Variants in CAPN3 observed in about 807,000 individuals in gnomAD.
CAPN3 encodes the protein calpain 3.
A neutral mutation model predicts 114.0 loss-of-function variants in CAPN3; 88 were observed. The ratio of observed to expected loss-of-function variants is 0.77; its 90% CI spans 0.65 to 0.92. CAPN3 has a LOEUF of 0.92. CAPN3 is among the 40% of genes least tolerant of loss of function. The pLI is 0.00. For synonymous variants in CAPN3, 386 were observed against 382.9 expected, an observed-to-expected ratio of 1.01 and a Z score of -0.09; for missense variants, 1,028 against 1,069.0, an observed-to-expected ratio of 0.96 and a Z score of 0.53.
chr15:42,398,093 C>A (rs1311347547), intron 9 of CAPN3, among the ~76,000 whole-genome samples: 3 of 150,974 alleles, frequency 2.0e-5, no homozygotes, highest in Non-Finnish European at 4.4e-5. Flanking sequence ...TATATCATAG[C>A]TATATATATT....
chr15:42,370,640 G>T (rs748936752), intron 1 of CAPN3, among the ~76,000 whole-genome samples: 36 of 152,146 alleles, frequency 2.4e-4, no homozygotes, highest in Non-Finnish European at 3.5e-4. Flanking sequence ...GGATAAAACA[G>T]CTAGAGTTAG....
chr15:42,402,087 C>G, intron 11 of CAPN3, 37 bp from the exon 12 acceptor site: 6 of 1,613,770 alleles, frequency 3.7e-6, no homozygotes, highest in Non-Finnish European at 5.1e-6. Flanking sequence ...CATCCTCATT[C>G]ACATCTGAAG....
intron 2 of CAPN3, 58 bp downstream of exon 2, chr15:42,384,610 T>G: frequency 7.8e-7 from 1 of 1,287,008 alleles, no homozygotes; most frequent in African/African-American, 1.5e-5. Context: ...TTACAAGGTG[T>G]GATCCCCTTC....
rs766430864 is a variant in CAPN3 at position 42,409,790 on chromosome 15, A to C, written c.1996A>C (p.Met666Leu). 4 of 1,570,972 alleles carry C rather than the reference A, an allele frequency of 2.5e-6. No homozygotes were observed. The highest frequency in any genetic ancestry group is 3.5e-6 in the Non-Finnish European group (4 of 1,154,888). Residue 666 changes from methionine to leucine, a missense_variant, in exon 18 of 24, where the codon ATG becomes CTG. Physicochemically the swap from Met to Leu is conservative, Grantham distance 15. Coordinates refer to ENST00000397163, the MANE Select transcript of CAPN3 (RefSeq NM_000070.3). ...CCTCCTCTCCCTTCCTCCTCAGGAC[A>C]TGGAGATCTGTGCAGATGAGCTCAA... The part of the protein sequence containing the change: ...NIFKQIAGDD[M>L]EICADELKKV...
intron 1 of CAPN3, among the ~76,000 whole-genome samples, chr15:42,379,081 A>C (rs963805564): frequency 7.9e-5 from 12 of 152,186 alleles, no homozygotes; most frequent in African/African-American, 2.9e-4. Flanking sequence ...TGGGAAGCTG[A>C]AGCAGGTGGA....
At position 42,399,601 on chromosome 15, in the gene CAPN3, G is replaced by C. The variant is rs149914792; in HGVS notation, c.1303G>C (p.Glu435Gln). ...TCAGACCTGGACAGTGTCTGTGAAC[G>C]AGGGCCGCTGGGTACGGGGTTGCTC... Reference protein sequence around the residue: ...KLQTWTVSVNEGRWVRGCSAG... With the variant: ...KLQTWTVSVNQGRWVRGCSAG... The change falls in exon 10 of 24, where the codon GAG becomes CAG. Residue 435 changes from glutamate (E) to glutamine (Q), a missense_variant. Coordinates refer to ENST00000397163, the MANE Select transcript of CAPN3 (RefSeq NM_000070.3). 6 of 1,613,678 alleles carry C rather than the reference G, an allele frequency of 3.7e-6. No individual in the cohort carries two copies. In the South Asian group the frequency reaches 5.5e-5, roughly 15 times the overall value.
At chr15:42,406,980 G>A (rs953816401) in intron 15 of CAPN3, among the ~76,000 whole-genome samples, 83 of 152,130 alleles carry the variant, frequency 5.5e-4, no homozygotes, top group Non-Finnish European at 2.8e-4. Context: ...AGCATGGAAG[G>A]GCAGTGGTGC....
At position 42,412,093 on chromosome 15, in the gene CAPN3, G is replaced by A. The variant is rs1432502694; in HGVS notation, c.*320G>A. 6.5e-7 allele frequency: 1 copy of A among 1,535,270 alleles called. No individual in the cohort carries two copies. The highest frequency in any genetic ancestry group is 8.7e-7 in the Non-Finnish European group (1 of 1,146,680). ...CTGCTTACCTTGCTCTAGGCTGTCT[G>A]CAGAAGCACCTGCCGGTGGCACTCA... On this transcript the variant is annotated 3_prime_UTR_variant, in exon 24 of 24. Transcript: ENST00000397163.
intron 1 of CAPN3, among the ~76,000 whole-genome samples, chr15:42,375,478 C>T (rs2053066572): frequency 1.3e-5 from 2 of 151,582 alleles, no homozygotes; most frequent in Admixed American, 1.3e-4. Context: ...AGCACAAGGC[C>T]CTTCTTCCTG....
In CAPN3 at chr15:42,377,543, G is replaced by C. The variant is rs142914928; in HGVS notation, c.310-6940G>C. ...TAAATCCCACTTGGTCATGGTGTCT[G>C]TTTATACATTGTTGTATTTGAGTTG... On this transcript the variant is annotated intron_variant, in intron 1 of 23. Transcript: ENST00000397163. Among the ~76,000 whole-genome samples the C allele has an allele frequency of 2.0e-5, 3 of 152,260 alleles. No individual in the cohort carries two copies. The East Asian group carries it at 5.8e-4, about 29-fold the overall frequency.
intron 2 of CAPN3, 65 bp from the exon 3 acceptor site, chr15:42,386,102 T>C (rs1595819576): frequency 2.6e-6 from 3 of 1,133,120 alleles, no homozygotes; most frequent in Admixed American, 1.7e-5. Context: ...CTGGCTGGGA[T>C]TGGGGCTTTT....
intron 9 of CAPN3, among the ~76,000 whole-genome samples, chr15:42,397,368 G>A (rs1201248033): frequency 2.0e-5 from 3 of 152,194 alleles, no homozygotes; most frequent in Non-Finnish European, 2.9e-5. Flanking sequence ...TAAGCCGGGC[G>A]CGGTGGCTCA....
At chr15:42,361,383 A>G (rs115543730) in intron 1 of CAPN3, among the ~76,000 whole-genome samples, 1,995 of 152,256 alleles carry the variant, frequency 0.013, 52 homozygotes, top group African/African-American at 0.046. Flanking sequence ...AGGTGGGAAG[A>G]TCACTTGAAC....
At chr15:42,401,044 A>G (rs2053847838) in intron 10 of CAPN3, among the ~76,000 whole-genome samples, 1 of 152,098 alleles carries the variant, frequency 6.6e-6, no homozygotes. Context: ...AGATACAAAA[A>G]TTAACCGGGG....
At chr15:42,404,361 C>T (rs1460569448) in intron 14 of CAPN3, 2 of 456,402 alleles carry the variant, frequency 4.4e-6, no homozygotes, top group Admixed American at 2.3e-5. Flanking sequence ...ACACTTTACA[C>T]CTTACAAGGT....
chr15:42,404,722 G>A, intron 14 of CAPN3: 1 of 1,160,178 alleles, frequency 8.6e-7, no homozygotes, highest in Non-Finnish European at 1.1e-6. Context: ...GATGACGTAG[G>A]CCAATGGGAG....
At position 42,359,767 on chromosome 15, in the gene CAPN3, A is replaced by C; in HGVS notation, c.-39A>C. The C allele has an allele frequency of 1.9e-6, 3 of 1,611,982 alleles. No individual in the cohort carries two copies. The highest frequency in any genetic ancestry group is 2.5e-6 in the Non-Finnish European group (3 of 1,179,968). The stretch of plus-strand genomic sequence containing the variant: ...CTTTCCTTGAAGGTAGCTGTATCTT[A>C]TTTTCTTTAAAAAGCTTTTTCTTCC... On this transcript the variant is annotated 5_prime_UTR_variant, in exon 1 of 24. Transcript: ENST00000397163.
intron 1 of CAPN3, among the ~76,000 whole-genome samples, chr15:42,381,479 C>T (rs1026609054): frequency 6.6e-6 from 1 of 152,054 alleles, no homozygotes; most frequent in Non-Finnish European, 1.5e-5. Flanking sequence ...GTTCATTGCC[C>T]GAACACTATA....
intron 1 of CAPN3, among the ~76,000 whole-genome samples, chr15:42,364,571 T>A (rs1431363489): frequency 6.6e-6 from 1 of 152,234 alleles, no homozygotes; most frequent in Non-Finnish European, 1.5e-5. Flanking sequence ...AGGATGTGTG[T>A]GTGAATGCTC....
Sources: gnomAD v4.1 joint callset for allele counts (sites outside exome capture counted in the v4.1 genomes callset) on GRCh38, gnomAD v4.1.1 for gene constraint, MANE v1.5 for transcripts, NCBI Gene and HGNC (gene_info 2026-07-23, HGNC 2026-07-21) for gene names.